The following SSBP2 variants were observed in gnomAD, a reference collection of about 807,000 sequenced individuals.
The protein encoded by SSBP2 is single stranded DNA binding protein 2.
SSBP2 carries 17 observed loss-of-function variants against 61.8 expected under a neutral mutation model. The ratio of observed to expected loss-of-function variants is 0.28; its 90% CI spans 0.19 to 0.41. The LOEUF (loss-of-function observed/expected upper bound fraction) is 0.41, where lower values mean the gene tolerates loss of function less well. SSBP2 is among the 10% of genes least tolerant of loss of function. SSBP2 has a pLI of 1.00. For synonymous variants in SSBP2, 139 were observed against 141.3 expected (o/e 0.98, Z 0.12); for missense variants, 310 against 458.7 (o/e 0.68, Z 2.96).
At chr5:81,501,563 CTTTT>C (rs71603598) in intron 5 of SSBP2, among the ~76,000 whole-genome samples, 1 of 117,372 alleles carries the variant, frequency 8.5e-6, no homozygotes, top group Admixed American at 1.0e-4. Flanking sequence ...TCTTTCTTTT[CTTTT>C]TTTTTTTTTT....
chr5:81,588,523 T>C (rs78410656), intron 4 of SSBP2, among the ~76,000 whole-genome samples: 1,893 of 149,452 alleles, frequency 0.013, 40 homozygotes, highest in African/African-American at 0.044. Flanking sequence ...TCAGACTATC[T>C]TTTTTTTTTC....
rs570778891 is a variant in SSBP2 at position 81,499,933 on chromosome 5, A to T, written c.373-10624T>A. ...AAAAAAGCATAGCGTTTTGTTCTTA[A>T]GTTTCTGATATCTTGATATGCTTGG... On this transcript the variant is annotated intron_variant, in intron 5 of 16. Coordinates refer to ENST00000320672, the MANE Select transcript of SSBP2 (RefSeq NM_012446.5). 1.6e-3 allele frequency among the ~76,000 whole-genome samples: 239 copies of T among 152,292 alleles called. 1 individual carries two copies. The highest frequency in any genetic ancestry group is 5.6e-3 in the African/African-American group (232 of 41,558).
At chr5:81,718,510 G>T (rs1216203608) in intron 1 of SSBP2, among the ~76,000 whole-genome samples, 1 of 152,124 alleles carries the variant, frequency 6.6e-6, no homozygotes. Flanking sequence ...TCAAGCTGCC[G>T]AGGTGGGAAA....
intron 6 of SSBP2, among the ~76,000 whole-genome samples, chr5:81,479,759 A>G (rs1765847908): frequency 1.3e-5 from 2 of 152,204 alleles, no homozygotes; most frequent in Non-Finnish European, 2.9e-5. Context: ...TGTTTAAACA[A>G]TCTTATAAAG....
At chr5:81,750,596 GCCCCTC>G (rs1290549484) in intron 1 of SSBP2, 2 of 204,596 alleles carry the variant, frequency 9.8e-6, no homozygotes, top group African/African-American at 4.8e-5. Flanking sequence ...CCACGCAGCT[GCCCCTC>G]CCGCCACCCC....
At chr5:81,428,031 T>C (rs1326649786) in intron 16 of SSBP2, among the ~76,000 whole-genome samples, 2 of 152,230 alleles carry the variant, frequency 1.3e-5, no homozygotes, top group Non-Finnish European at 2.9e-5. Flanking sequence ...GCTCAGTAAT[T>C]GCTTGTTAAA....
intron 1 of SSBP2, among the ~76,000 whole-genome samples, chr5:81,717,430 G>C (rs932979116): frequency 4.1e-4 from 63 of 152,122 alleles, no homozygotes; most frequent in African/African-American, 1.4e-3. Flanking sequence ...AAGGTCCTTT[G>C]CCTCTGACTT....
chr5:81,716,001 G>T (rs529088863), intron 1 of SSBP2, among the ~76,000 whole-genome samples: 3 of 152,116 alleles, frequency 2.0e-5, no homozygotes, highest in African/African-American at 7.2e-5. Context: ...AGGTTGCAAT[G>T]AGCTATGATC....
intron 1 of SSBP2, among the ~76,000 whole-genome samples, chr5:81,708,762 T>C (rs1333668533): frequency 2.0e-5 from 3 of 152,002 alleles, no homozygotes; most frequent in Non-Finnish European, 4.4e-5. Flanking sequence ...AGCTAAAGAC[T>C]TTTCCAAGTC....
chr5:81,749,574 C>A (rs1757580532), intron 1 of SSBP2, among the ~76,000 whole-genome samples: 1 of 152,102 alleles, frequency 6.6e-6, no homozygotes, highest in Admixed American at 6.5e-5. Context: ...GTCTGAACCC[C>A]CTCAGAAAGA....
chr5:81,498,129 G>T (rs969630579), intron 5 of SSBP2, among the ~76,000 whole-genome samples: 3 of 152,012 alleles, frequency 2.0e-5, no homozygotes, highest in Non-Finnish European at 2.9e-5. Flanking sequence ...TTAAGAAAAG[G>T]CTCAGCATTT....
At chr5:81,634,703 A>G (rs144814107) in intron 3 of SSBP2, among the ~76,000 whole-genome samples, 1 of 152,326 alleles carries the variant, frequency 6.6e-6, no homozygotes, top group East Asian at 1.9e-4. Context: ...AATTTCCAAC[A>G]TAATGAATTT....
At chr5:81,473,030 ACAG>A (rs1316138728) in intron 8 of SSBP2, among the ~76,000 whole-genome samples, 3 of 152,244 alleles carry the variant, frequency 2.0e-5, no homozygotes, top group African/African-American at 7.2e-5. Flanking sequence ...GGCTTAAATG[ACAG>A]CACACTGTTA....
chr5:81,432,231 T>C (rs547300812), intron 15 of SSBP2, among the ~76,000 whole-genome samples: 121 of 79,288 alleles, frequency 1.5e-3, no homozygotes, highest in Middle Eastern at 8.6e-3. Context: ...TGTAGATCTC[T>C]AGTCATCTAC....
At chr5:81,739,875 A>T (rs1756891243) in intron 1 of SSBP2, among the ~76,000 whole-genome samples, 1 of 152,156 alleles carries the variant, frequency 6.6e-6, no homozygotes, top group Non-Finnish European at 1.5e-5. Flanking sequence ...CCTTTAAGAG[A>T]GCCATTCTGC....
intron 1 of SSBP2, among the ~76,000 whole-genome samples, chr5:81,719,913 G>T (rs1755438861): frequency 6.6e-6 from 1 of 152,084 alleles, no homozygotes; most frequent in South Asian, 2.1e-4. Flanking sequence ...AGGGTAGGGG[G>T]ATAGTGGCTC....
At chr5:81,523,157 A>G (rs1426105236) in intron 4 of SSBP2, among the ~76,000 whole-genome samples, 1 of 152,100 alleles carries the variant, frequency 6.6e-6, no homozygotes, top group East Asian at 1.9e-4. Flanking sequence ...GAAGTCTGAT[A>G]GGTAACAAGG....
intron 2 of SSBP2, among the ~76,000 whole-genome samples, chr5:81,639,231 T>C (rs1748550878): frequency 6.6e-6 from 1 of 152,222 alleles, no homozygotes. Flanking sequence ...TAAGAGTTTT[T>C]AAAAGTTGCT....
chr5:81,703,540 C>T (rs1240445058), intron 1 of SSBP2, among the ~76,000 whole-genome samples: 1 of 150,880 alleles, frequency 6.6e-6, no homozygotes, highest in African/African-American at 2.4e-5. Context: ...GCACATGTAC[C>T]CTAAAACTTA....
Sources: gnomAD v4.1 joint callset for allele counts (sites outside exome capture counted in the v4.1 genomes callset) on GRCh38, gnomAD v4.1.1 for gene constraint, MANE v1.5 for transcripts, NCBI Gene and HGNC (gene_info 2026-07-23, HGNC 2026-07-21) for gene names.